Variants in GCNT1 observed in about 807,000 individuals in gnomAD.
GCNT1 encodes the protein glucosaminyl (N-acetyl) transferase 1.
Under a neutral mutation model 26.2 loss-of-function variants are expected in GCNT1, and 16 were observed. That is an observed-to-expected ratio of 0.61 (90% CI 0.41 to 0.93). The LOEUF is 0.93. GCNT1 is among the 40% of genes least tolerant of loss of function. GCNT1 has a pLI of 0.00. For missense variants in GCNT1, 477 were observed against 526.7 expected (o/e 0.91, Z 0.92); for synonymous variants, 183 against 190.8 (o/e 0.96, Z 0.34).
At chr9:76,427,198 C>CTT (rs35341377) in intron 1 of GCNT1, among the ~76,000 whole-genome samples, 41,550 of 141,926 alleles carry the variant, frequency 0.29, 6,316 homozygotes, top group East Asian at 0.37. Context: ...CTGCCAACAC[C>CTT]TTTTTTTTTT....
intron 1 of GCNT1, among the ~76,000 whole-genome samples, chr9:76,421,607 A>G (rs1823193550): frequency 6.9e-6 from 1 of 145,252 alleles, no homozygotes; most frequent in Non-Finnish European, 1.5e-5. Flanking sequence ...TCTCAAAAAA[A>G]AAAAAAAAAA....
At chr9:76,500,699 A>G (rs551822245) in intron 2 of GCNT1, among the ~76,000 whole-genome samples, 1 of 152,318 alleles carries the variant, frequency 6.6e-6, no homozygotes, top group East Asian at 1.9e-4. Flanking sequence ...CTTAACCTAA[A>G]TTTCAGGGTG....
intron 2 of GCNT1, among the ~76,000 whole-genome samples, chr9:76,497,403 G>A (rs1490368025): frequency 1.3e-5 from 2 of 152,054 alleles, no homozygotes; most frequent in Non-Finnish European, 2.9e-5. Context: ...AAATTAGGTT[G>A]GTTAATTACA....
chr9:76,478,979 G>A (rs1436886232), intron 2 of GCNT1, among the ~76,000 whole-genome samples: 2 of 152,084 alleles, frequency 1.3e-5, no homozygotes, highest in African/African-American at 4.8e-5. Context: ...TTTACATTAG[G>A]TATATCTCCT....
At chr9:76,489,712 A>C (rs576166059) in intron 2 of GCNT1, among the ~76,000 whole-genome samples, 62 of 152,212 alleles carry the variant, frequency 4.1e-4, no homozygotes, top group African/African-American at 1.3e-3. Context: ...TCCCCACTTG[A>C]CCCAGGAAGT....
At chr9:76,454,887 C>T (rs1241216835), upstream of GCNT1, among the ~76,000 whole-genome samples, 6 of 123,232 alleles carry the variant, frequency 4.9e-5, no homozygotes, top group African/African-American at 1.9e-4. Flanking sequence ...CTCACTCTGT[C>T]GCCAGGCTGG....
chr9:76,428,538 T>C (rs537740831), intron 1 of GCNT1, among the ~76,000 whole-genome samples: 1 of 152,144 alleles, frequency 6.6e-6, no homozygotes, highest in South Asian at 2.1e-4. Flanking sequence ...AAACAGAACA[T>C]TATAGATCCA....
Position 76,506,700 on chromosome 9 carries a change from A to G in GCNT1, c.*3032A>G, listed in dbSNP as rs1372472398. 1 of 167,092 alleles carries G rather than the reference A, an allele frequency of 6.0e-6. No homozygotes were observed. Among genetic ancestry groups the G allele is most frequent in the Non-Finnish European group, 1.5e-5 (1 of 68,112 alleles). 10.4% of individuals were successfully genotyped at this position (167,092 alleles called of 1,614,324 possible). A position where few individuals can be genotyped will look rare whatever the true frequency, so the allele number is the denominator to read the frequency against. ...AGGCAGTTACTGAGGCTCTTCCCAGATCTCAGTAAACAGCCACTCAGCCTT... is the reference window on the plus strand; with the variant it reads ...AGGCAGTTACTGAGGCTCTTCCCAGGTCTCAGTAAACAGCCACTCAGCCTT... On this transcript the variant is annotated 3_prime_UTR_variant, in exon 4 of 4. Transcript: ENST00000376730.
At chr9:76,406,562 G>A in the GCNT1 span, among the ~76,000 whole-genome samples, 1 of 151,736 alleles carries the variant, frequency 6.6e-6, no homozygotes, top group Admixed American at 6.6e-5. Context: ...GCTCACGGGT[G>A]TGGTGGCGTG....
In GCNT1 at chr9:76,504,628, C is replaced by A. The variant is rs140265369; in HGVS notation, c.*960C>A. ...GAAAAGGAATGTATTTAAACAATTTCCGATGCCCATGATGAGTTTAAAAAC... is the reference window on the plus strand; with the variant it reads ...GAAAAGGAATGTATTTAAACAATTTACGATGCCCATGATGAGTTTAAAAAC... On this transcript the variant is annotated 3_prime_UTR_variant, in exon 4 of 4. Transcript: ENST00000376730. The A allele has an allele frequency of 1.7e-3, 685 of 412,106 alleles. 4 individuals carry two copies. The highest frequency in any genetic ancestry group is 0.012 in the African/African-American group (571 of 48,694). The allele number at this position is 412,106 out of a possible 1,614,324, so 25.5% of individuals were successfully genotyped here. A position where few individuals can be genotyped will look rare whatever the true frequency, so the allele number is the denominator to read the frequency against.
chr9:76,496,750 T>C (rs760017256), intron 2 of GCNT1, among the ~76,000 whole-genome samples: 2 of 152,236 alleles, frequency 1.3e-5, no homozygotes, highest in African/African-American at 4.8e-5. Context: ...TTCTTGGTCT[T>C]AAAAGTCAAG....
chr9:76,500,247 C>G (rs897675678), intron 2 of GCNT1, among the ~76,000 whole-genome samples: 3 of 152,198 alleles, frequency 2.0e-5, no homozygotes, highest in African/African-American at 7.2e-5. Flanking sequence ...TGTTTAGTGG[C>G]TTTCCTGGAC....
intron 2 of GCNT1, among the ~76,000 whole-genome samples, chr9:76,486,833 C>T (rs963474342): frequency 1.1e-4 from 17 of 152,062 alleles, no homozygotes; most frequent in African/African-American, 3.9e-4. Context: ...CCTAGCACTT[C>T]GGGAGGCAGA....
At chr9:76,427,572 T>C (rs1292422035) in intron 1 of GCNT1, among the ~76,000 whole-genome samples, 1 of 152,210 alleles carries the variant, frequency 6.6e-6, no homozygotes, top group Non-Finnish European at 1.5e-5. Context: ...GTGAATACAC[T>C]TTGACATATC....
chr9:76,480,776 A>T (rs1234926171), intron 2 of GCNT1, among the ~76,000 whole-genome samples: 1 of 152,216 alleles, frequency 6.6e-6, no homozygotes. Flanking sequence ...AGAACTTTTC[A>T]TGTCATTAAT....
At chr9:76,396,998 T>C in the GCNT1 span, among the ~76,000 whole-genome samples, 2 of 146,904 alleles carry the variant, frequency 1.4e-5, no homozygotes, top group Non-Finnish European at 3.0e-5. Flanking sequence ...AAAAAATAAA[T>C]AGGCCGGGCG....
At chr9:76,430,353 G>T (rs1451237220) in intron 1 of GCNT1, among the ~76,000 whole-genome samples, 1 of 151,854 alleles carries the variant, frequency 6.6e-6, no homozygotes, top group Admixed American at 6.6e-5. Context: ...CATTAGTAAG[G>T]TTGTATATCT....
chr9:76,399,054 C>T, the GCNT1 span: 1 of 1,596,290 alleles, frequency 6.3e-7, no homozygotes, highest in Non-Finnish European at 8.5e-7. Context: ...TTCCGGGAGC[C>T]ATGGCTTCTT....
chr9:76,428,734 C>T (rs1418528625), intron 1 of GCNT1, among the ~76,000 whole-genome samples: 1 of 141,150 alleles, frequency 7.1e-6, no homozygotes, highest in Non-Finnish European at 1.5e-5. Flanking sequence ...GAGTTTCGCT[C>T]TTGTTGCCCA....
Sources: allele counts gnomAD v4.1 joint callset (sites outside exome capture counted in the v4.1 genomes callset), GRCh38; gene constraint gnomAD v4.1.1; transcripts MANE v1.5; gene names NCBI Gene and HGNC (gene_info 2026-07-23, HGNC 2026-07-21).